KLF3: variants seen among roughly 807,000 people sequenced by gnomAD.
KLF3 encodes KLF transcription factor 3, also known as Krueppel-like factor 3.
Under a neutral mutation model 32.7 loss-of-function variants are expected in KLF3, and 6 were observed. The ratio of observed to expected loss-of-function variants is 0.18; its 90% CI spans 0.10 to 0.36. The LOEUF (loss-of-function observed/expected upper bound fraction) is 0.36. Among genes scored for constraint, KLF3 ranks in the 10% least tolerant of loss-of-function variants. The pLI is 1.00. For missense variants in KLF3, 338 were observed against 449.7 expected (o/e 0.75, Z 2.25); for synonymous variants, 145 against 172.8 (o/e 0.84, Z 1.26).
Position 38,700,829 on chromosome 4 carries a change from C to G in KLF3, c.*3566C>G, listed in dbSNP as rs537254572. The G allele has an allele frequency of 2.0e-5, 3 of 152,262 alleles. No individual in the cohort carries two copies. The South Asian group carries it at 6.2e-4, about 32-fold the overall frequency. 9.4% of individuals were successfully genotyped at this position (152,262 alleles called of 1,614,324 possible). A position where few individuals can be genotyped will look rare whatever the true frequency, so the allele number is the denominator to read the frequency against. On this transcript the variant is annotated 3_prime_UTR_variant, in exon 6 of 6. Coordinates refer to ENST00000261438, the MANE Select transcript of KLF3 (RefSeq NM_016531.6). Reference sequence around the variant, plus strand: ...TTTTTAGCATGCATTAGTATACTTGCAGATACTGAAACATTTTGGTAATCT... The same window carrying G: ...TTTTTAGCATGCATTAGTATACTTGGAGATACTGAAACATTTTGGTAATCT...
chr4:38,676,402 C>T (rs28694049), intron 1 of KLF3, among the ~76,000 whole-genome samples: 27,142 of 152,114 alleles, frequency 0.18, 2,523 homozygotes, highest in Non-Finnish European at 0.21. Flanking sequence ...GATCGTTCCA[C>T]TGCACTCCAG....
chr4:38,695,028 GTC>G, intron 5 of KLF3, 122 bp downstream of exon 5: 1 of 828,750 alleles, frequency 1.2e-6, no homozygotes, highest in East Asian at 3.0e-5. Context: ...CTCCAGATGT[GTC>G]TTCTCCAGAT....
intron 1 of KLF3, among the ~76,000 whole-genome samples, chr4:38,679,689 G>C (rs1325307989): frequency 6.6e-6 from 1 of 152,196 alleles, no homozygotes; most frequent in South Asian, 2.1e-4. Context: ...CGGGGGATTT[G>C]ATGGTGCAGA....
intron 2 of KLF3, among the ~76,000 whole-genome samples, chr4:38,683,323 C>T (rs1374984539): frequency 2.0e-5 from 3 of 152,130 alleles, no homozygotes. Context: ...CAGAAACAAT[C>T]GCTTGTTTGT....
chr4:38,685,877 T>C (rs996242994), intron 2 of KLF3, among the ~76,000 whole-genome samples: 1 of 152,222 alleles, frequency 6.6e-6, no homozygotes, highest in Non-Finnish European at 1.5e-5. Context: ...CCCTCCAGTG[T>C]ACATGATTTA....
At chr4:38,696,003 A>C (rs917116039) in intron 5 of KLF3, among the ~76,000 whole-genome samples, 1 of 152,122 alleles carries the variant, frequency 6.6e-6, no homozygotes, top group Admixed American at 6.5e-5. Flanking sequence ...AGAGGAAGCT[A>C]ACACCCACAG....
intron 2 of KLF3, among the ~76,000 whole-genome samples, chr4:38,687,209 C>T (rs940244531): frequency 6.6e-5 from 10 of 152,216 alleles, no homozygotes; most frequent in Non-Finnish European, 1.5e-5. Context: ...ATCACTGTCA[C>T]TGTCAGACAT....
At chr4:38,681,972 A>G (rs1383071828) in intron 2 of KLF3, among the ~76,000 whole-genome samples, 1 of 152,258 alleles carries the variant, frequency 6.6e-6, no homozygotes, top group Non-Finnish European at 1.5e-5. Context: ...GGCTTTAAGG[A>G]AATAACATTT....
intron 4 of KLF3, among the ~76,000 whole-genome samples, chr4:38,691,837 C>T (rs1172570024): frequency 1.3e-5 from 2 of 152,154 alleles, no homozygotes; most frequent in South Asian, 2.1e-4. Context: ...TAGCAGCCCA[C>T]GTAGGAAACC....
At position 38,697,134 on chromosome 4, in the gene KLF3, G is replaced by A. The variant is rs1560421427; in HGVS notation, c.909G>A (p.Arg303=). 6.2e-7 allele frequency: 1 copy of A among 1,613,902 alleles called. No homozygotes were observed. Residue 303 remains arginine, a synonymous_variant, in exon 6 of 6, where the codon CGG becomes CGA. Transcript: ENST00000261438. The part of the protein sequence containing the change: ...TWEGCTWKFA[R]SDELTRHFRK... ...AAGGGTGCACATGGAAGTTTGCTCG[G>A]TCTGATGAACTAACAAGACATTTCC... is the stretch of plus-strand genomic sequence containing the variant.
At chr4:38,695,058 G>A (rs1723008403) in intron 5 of KLF3, 152 bp downstream of exon 5, 1 of 684,720 alleles carries the variant, frequency 1.5e-6, no homozygotes, top group Admixed American at 3.7e-5. Flanking sequence ...GCAGAATGAA[G>A]ATATTGCTAA....
Position 38,697,363 on chromosome 4 carries a change from T to G in KLF3, c.*100T>G, listed in dbSNP as rs1723071580. ...CACATTTTTTACATGTACATTTTAA[T>G]TTGATTCAGCTGGTCTGAATCTCTG... On this transcript the variant is annotated 3_prime_UTR_variant, in exon 6 of 6. Coordinates refer to ENST00000261438, the MANE Select transcript of KLF3 (RefSeq NM_016531.6). The G allele has an allele frequency of 1.8e-6, 2 of 1,132,746 alleles. No homozygotes were observed. Among genetic ancestry groups the G allele is most frequent in the Non-Finnish European group, 2.5e-6 (2 of 799,430 alleles). 70.2% of individuals were successfully genotyped at this position (1,132,746 alleles called of 1,614,324 possible).
chr4:38,691,570 TAAG>T (rs1053414402), intron 4 of KLF3, among the ~76,000 whole-genome samples: 5 of 152,216 alleles, frequency 3.3e-5, no homozygotes, highest in Middle Eastern at 3.2e-3. Flanking sequence ...AAACATTACA[TAAG>T]AAGATTTGAA....
At chr4:38,677,047 G>A (rs114000870) in intron 1 of KLF3, among the ~76,000 whole-genome samples, 6,668 of 142,350 alleles carry the variant, frequency 0.047, 204 homozygotes, top group Non-Finnish European at 0.07. Flanking sequence ...TGCAACCTCC[G>A]CCTGCTGGGT....
chr4:38,693,129 C>T (rs995772551), intron 4 of KLF3, among the ~76,000 whole-genome samples: 15 of 99,566 alleles, frequency 1.5e-4, no homozygotes, highest in East Asian at 7.7e-4. Context: ...TATATATATA[C>T]GTGTATATAT....
chr4:38,678,730 G>A (rs1722426915), intron 1 of KLF3, among the ~76,000 whole-genome samples: 1 of 152,140 alleles, frequency 6.6e-6, no homozygotes, highest in African/African-American at 2.4e-5. Flanking sequence ...GGGGATGGGG[G>A]TTTTTAACAC....
In KLF3 at chr4:38,674,055, G is replaced by A. The variant is rs1186242682; in HGVS notation, c.-39-6532G>A. The stretch of plus-strand genomic sequence containing the variant: ...GCAAAATAACTAATTCATGAGGGGC[G>A]AAGATTTAGAAACACCCCATGGAAT... On this transcript the variant is annotated intron_variant, in intron 1 of 5. Coordinates refer to ENST00000261438, the MANE Select transcript of KLF3 (RefSeq NM_016531.6). The surrounding 1 kb of genome is among the most constrained non-coding windows in gnomAD (Gnocchi z 4.1). Among the ~76,000 whole-genome samples, 1 of 152,068 alleles carries A rather than the reference G, an allele frequency of 6.6e-6. No homozygotes were observed. Among genetic ancestry groups the A allele is most frequent in the Non-Finnish European group, 1.5e-5 (1 of 68,024 alleles).
chr4:38,667,113 C>G (rs1399851657), intron 1 of KLF3, among the ~76,000 whole-genome samples: 1 of 152,200 alleles, frequency 6.6e-6, no homozygotes, highest in East Asian at 1.9e-4. Context: ...CTGTATAAAG[C>G]TGGTGTTATT....
rs1723164026 is a variant in KLF3, at chr4:38,700,387, C to T, written c.*3124C>T. On this transcript the variant is annotated 3_prime_UTR_variant, in exon 6 of 6. Transcript: ENST00000261438. The stretch of plus-strand genomic sequence containing the variant: ...ATTCCTGATTAGATTGTTGTAAAGA[C>T]AATCTGAAAGATCTAAGGTTTTAAA... 2.0e-5 allele frequency: 3 copies of T among 152,176 alleles called. No homozygotes were observed. The highest frequency in any genetic ancestry group is 7.2e-5 in the African/African-American group (3 of 41,444). The allele number at this position is 152,176 out of a possible 1,614,324, so 9.4% of individuals were successfully genotyped here.
Sources: gnomAD v4.1 joint callset for allele counts (sites outside exome capture counted in the v4.1 genomes callset) on GRCh38, gnomAD v4.1.1 for gene constraint, Gnocchi (gnomAD v3.1) non-coding constraint, MANE v1.5 for transcripts, NCBI Gene and HGNC (gene_info 2026-07-23, HGNC 2026-07-21) for gene names.